ADAMTS5: variants seen among roughly 807,000 people sequenced by gnomAD.
ADAMTS5 encodes A disintegrin and metalloproteinase with thrombospondin motifs 5.
In ADAMTS5, 54 loss-of-function variants were observed where a neutral mutation model predicts 81.4. The observed-to-expected ratio is 0.66, with a 90% CI of 0.53 to 0.83. The LOEUF (loss-of-function observed/expected upper bound fraction) is 0.83, where lower values mean the gene tolerates loss of function less well. Ranked by LOEUF, ADAMTS5 falls within the 40% of genes least tolerant of loss-of-function variation. The pLI is 0.00. For synonymous variants in ADAMTS5, 532 were observed against 508.8 expected (o/e 1.05, Z -0.61); for missense variants, 1,194 against 1,229.9 (o/e 0.97, Z 0.44).
chr21:26,938,556 G>T (rs190870995), intron 3 of ADAMTS5, among the ~76,000 whole-genome samples: 5 of 152,172 alleles, frequency 3.3e-5, no homozygotes, highest in Non-Finnish European at 5.9e-5. Flanking sequence ...TTCAGATGGA[G>T]TCTAGCTCTG....
intron 2 of ADAMTS5, among the ~76,000 whole-genome samples, chr21:26,944,499 A>G (rs1234549581): frequency 1.3e-5 from 2 of 152,232 alleles, no homozygotes; most frequent in Non-Finnish European, 2.9e-5. Context: ...CAGTCTAAAG[A>G]TAAAATGATA....
chr21:26,940,743 CT>C (rs1568844656), intron 3 of ADAMTS5, among the ~76,000 whole-genome samples: 1 of 152,054 alleles, frequency 6.6e-6, no homozygotes, highest in Non-Finnish European at 1.5e-5. Context: ...ATCGTTTAGT[CT>C]TCTAACAAAG....
intron 1 of ADAMTS5, among the ~76,000 whole-genome samples, chr21:26,963,065 G>A (rs1167356328): frequency 1.3e-5 from 2 of 151,658 alleles, no homozygotes; most frequent in Non-Finnish European, 2.9e-5. Flanking sequence ...TATACTACAG[G>A]GCCAACCACA....
intron 7 of ADAMTS5, among the ~76,000 whole-genome samples, chr21:26,926,847 T>A (rs1170250420): frequency 6.6e-6 from 1 of 152,124 alleles, no homozygotes; most frequent in Non-Finnish European, 1.5e-5. Context: ...AAATAAAGAA[T>A]AAAGGGTAAG....
chr21:26,938,524 TG>T (rs1235647736), intron 3 of ADAMTS5, among the ~76,000 whole-genome samples: 4 of 152,078 alleles, frequency 2.6e-5, no homozygotes, highest in African/African-American at 4.8e-5. Context: ...TAACCAAAGT[TG>T]TTTTTTTGTT....
chr21:26,965,322 T>G lies in ADAMTS5; in HGVS notation c.1070A>C (p.Glu357Ala), dbSNP rs1281567875. The G allele has an allele frequency of 6.2e-7, 1 of 1,614,190 alleles. No individual in the cohort carries two copies. The highest frequency in any genetic ancestry group is 1.1e-5 in the South Asian group (1 of 91,082). Residue 357 changes from glutamate to alanine, a missense_variant, in exon 1 of 8, where the codon GAG (glutamate) becomes GCG (alanine). Physicochemically the swap from Glu to Ala is moderately radical, Grantham distance 107 (BLOSUM62 -1). Coordinates refer to ENST00000284987, the MANE Select transcript of ADAMTS5 (RefSeq NM_007038.5). ...QHNQLGDDHE[E>A]HYDAAILFTR... ...AAACAGGATAGCTGCATCGTAGTGC[T>G]CCTCATGGTCATCTCCCAGCTGGTT...
At chr21:26,931,115 C>T (rs1350608822) in intron 6 of ADAMTS5, among the ~76,000 whole-genome samples, 5 of 151,986 alleles carry the variant, frequency 3.3e-5, no homozygotes, top group Admixed American at 1.3e-4. Context: ...GGCGTGATCT[C>T]GGCTCACTGC....
At chr21:26,936,152 G>A (rs912399833) in intron 3 of ADAMTS5, among the ~76,000 whole-genome samples, 7 of 152,154 alleles carry the variant, frequency 4.6e-5, no homozygotes, top group East Asian at 1.9e-4. Flanking sequence ...TTGCTGAAGG[G>A]CAGCCATGTG....
chr21:26,926,617 G>A (rs1335884714), intron 7 of ADAMTS5, among the ~76,000 whole-genome samples: 1 of 150,080 alleles, frequency 6.7e-6, no homozygotes, highest in African/African-American at 2.5e-5. Flanking sequence ...AGGTTGCAGT[G>A]AGCCAAGATG....
rs1986685519 is a variant in ADAMTS5, at chr21:26,921,101, ATAAT to A, written c.*2948_*2951del. On this transcript the variant is annotated 3_prime_UTR_variant, in exon 8 of 8. Coordinates refer to ENST00000284987, the MANE Select transcript of ADAMTS5 (RefSeq NM_007038.5). The stretch of plus-strand genomic sequence containing the variant: ...ACATATTTTTGTTAAATAAGAATAA[ATAAT>A]TTTATCACACAAATTCACATACCAG... 6.6e-6 allele frequency: 1 copy of A among 152,550 alleles called. No homozygotes were observed. The highest frequency in any genetic ancestry group is 1.5e-5 in the Non-Finnish European group (1 of 67,972). 9.4% of individuals were successfully genotyped at this position (152,550 alleles called of 1,614,324 possible).
chr21:26,962,392 C>T (rs937696925), intron 1 of ADAMTS5, among the ~76,000 whole-genome samples: 8 of 152,174 alleles, frequency 5.3e-5, no homozygotes, highest in African/African-American at 1.9e-4. Flanking sequence ...ATGAAAACAG[C>T]TTTTATGCCA....
chr21:26,953,007 T>A (rs1187631294), intron 2 of ADAMTS5, among the ~76,000 whole-genome samples: 2 of 152,252 alleles, frequency 1.3e-5, no homozygotes, highest in Non-Finnish European at 2.9e-5. Flanking sequence ...TAAATATTGA[T>A]TAAGGTTCTG....
intron 2 of ADAMTS5, among the ~76,000 whole-genome samples, chr21:26,948,598 T>C (rs1479900885): frequency 6.6e-6 from 1 of 152,204 alleles, no homozygotes; most frequent in Non-Finnish European, 1.5e-5. Flanking sequence ...CATTGGATCA[T>C]GCATGCTTAT....
At chr21:26,946,548 A>T (rs1205639773) in intron 2 of ADAMTS5, among the ~76,000 whole-genome samples, 1 of 152,212 alleles carries the variant, frequency 6.6e-6, no homozygotes, top group Admixed American at 6.5e-5. Flanking sequence ...GAGTTTGTTC[A>T]TAAATCATTC....
In ADAMTS5 at chr21:26,920,791, T is replaced by C. The variant is rs560211145; in HGVS notation, c.*3262A>G. On this transcript the variant is annotated 3_prime_UTR_variant, in exon 8 of 8. Coordinates refer to ENST00000284987, the MANE Select transcript of ADAMTS5 (RefSeq NM_007038.5). ...CTTGGAAAAAATAGTGTTAATGTGATGTAAAAAACCTATTATCATAGGCAC... is the reference window on the plus strand; with the variant it reads ...CTTGGAAAAAATAGTGTTAATGTGACGTAAAAAACCTATTATCATAGGCAC... 4 of 152,062 alleles carry C rather than the reference T, an allele frequency of 2.6e-5. No individual in the cohort carries two copies. The highest frequency in any genetic ancestry group is 4.4e-5 in the Non-Finnish European group (3 of 67,972). 9.4% of individuals were successfully genotyped at this position (152,062 alleles called of 1,614,324 possible). A position where few individuals can be genotyped will look rare whatever the true frequency, so the allele number is the denominator to read the frequency against.
rs151274956 is a variant in ADAMTS5, at chr21:26,965,552, C to T, written c.840G>A (p.Ala280=). The change falls in exon 1 of 8, where the codon GCG becomes GCA. Residue 280 remains alanine (A), a synonymous_variant. Transcript: ENST00000284987. The stretch of plus-strand genomic sequence containing the variant: ...GCTGCAGGCCCCGGCCATACAACCG[C>T]GCCATGGACGCGTCAGCCACCAGAA... ...ELLLVADASM[A]RLYGRGLQHY... The T allele has an allele frequency of 1.9e-6, 3 of 1,611,778 alleles. No individual in the cohort carries two copies. The highest frequency in any genetic ancestry group is 2.5e-6 in the Non-Finnish European group (3 of 1,178,466).
intron 3 of ADAMTS5, among the ~76,000 whole-genome samples, chr21:26,936,392 GT>G (rs983115091): frequency 1.6e-4 from 25 of 152,256 alleles, no homozygotes; most frequent in African/African-American, 5.8e-4. Flanking sequence ...AGCAATGGTA[GT>G]TGTATCCCAG....
At chr21:26,959,849 C>G (rs1051965063) in intron 1 of ADAMTS5, among the ~76,000 whole-genome samples, 1 of 152,056 alleles carries the variant, frequency 6.6e-6, no homozygotes, top group Non-Finnish European at 1.5e-5. Flanking sequence ...AATTATAACC[C>G]GAGACTTCTA....
intron 6 of ADAMTS5, 141 bp downstream of exon 6, chr21:26,931,862 TA>T (rs1986913325): frequency 1.5e-6 from 1 of 675,444 alleles, no homozygotes; most frequent in African/African-American, 1.8e-5. Context: ...ATATAGAAGT[TA>T]TAGAGATGAA....
Sources: gnomAD v4.1 joint callset for allele counts (sites outside exome capture counted in the v4.1 genomes callset) on GRCh38, gnomAD v4.1.1 for gene constraint, MANE v1.5 for transcripts, NCBI Gene and HGNC (gene_info 2026-07-23, HGNC 2026-07-21) for gene names.